MAML1: variants seen among roughly 807,000 people sequenced by gnomAD.
MAML1 encodes the protein mastermind-like protein 1.
Under a neutral mutation model 77.1 loss-of-function variants are expected in MAML1, and 14 were observed. The observed-to-expected ratio is 0.18, with a 90% CI of 0.12 to 0.28. The LOEUF is 0.28. Among genes scored for constraint, MAML1 ranks in the 10% least tolerant of loss-of-function variants. The probability of loss-of-function intolerance (pLI) is 1.00; values close to 1 mark genes in which losing one functional copy is unlikely to be tolerated. For missense variants in MAML1, 1,217 were observed against 1,327.8 expected (o/e 0.92, Z 1.30); for synonymous variants, 516 against 551.9 (o/e 0.93, Z 0.91).
rs750669024 is a variant in MAML1 at position 179,774,732 on chromosome 5, A to G, written c.2906A>G (p.Glu969Gly). The stretch of plus-strand genomic sequence containing the variant: ...TACCCTGTGCGGACCGCGGGCCAGG[A>G]GCTGCCTTTTGCCTATAGCGGGCAG... ...QAYPVRTAGQELPFAYSGQPG... is the reference protein window; with the variant it reads ...QAYPVRTAGQGLPFAYSGQPG... The change falls in exon 5 of 5, where the codon GAG becomes GGG. Residue 969 changes from glutamate (E) to glycine (G), a missense_variant. Glu to Gly is a moderately conservative substitution (Grantham distance 98). This residue lies in a region of MAML1 where 884 missense variants were observed against 949.3 expected (regional missense o/e 0.93). Transcript: ENST00000292599. 9.3e-6 allele frequency: 15 copies of G among 1,611,972 alleles called. No homozygotes were observed. Among genetic ancestry groups the G allele is most frequent in the Middle Eastern group, 1.6e-4 (1 of 6,084 alleles).
chr5:179,754,595 G>GA lies in MAML1; in HGVS notation c.316-10721dup, dbSNP rs201899850. On this transcript the variant is annotated intron_variant, in intron 1 of 4. Coordinates refer to ENST00000292599, the MANE Select transcript of MAML1 (RefSeq NM_014757.5). ...ATAGAGCAAGACCCTGTCTCAAAAAGAAAAAAAAAATGTGAAATTGAGCAT... is the reference window on the plus strand; with the variant it reads ...ATAGAGCAAGACCCTGTCTCAAAAAGAAAAAAAAAAATGTGAAATTGAGCAT... 1.3e-3 allele frequency among the ~76,000 whole-genome samples: 197 copies of GA among 147,460 alleles called. 1 individual carries two copies. Among genetic ancestry groups the GA allele is most frequent in the East Asian group, 8.7e-3 (44 of 5,038 alleles).
At chr5:179,773,076 G>A (rs1756039188) in intron 4 of MAML1, among the ~76,000 whole-genome samples, 2 of 152,152 alleles carry the variant, frequency 1.3e-5, no homozygotes, top group South Asian at 4.1e-4. Flanking sequence ...GTAGAGACAG[G>A]GTTTCACTAT....
At chr5:179,736,791 G>A (rs796484335) in intron 1 of MAML1, among the ~76,000 whole-genome samples, 4 of 151,562 alleles carry the variant, frequency 2.6e-5, no homozygotes, top group African/African-American at 4.8e-5. Flanking sequence ...GTGAAACCCC[G>A]TCTCTACTAA....
Position 179,733,423 on chromosome 5 carries a change from C to A in MAML1, c.311C>A (p.Ala104Asp). 9.1e-7 allele frequency: 1 copy of A among 1,102,140 alleles called. No homozygotes were observed. Among genetic ancestry groups the A allele is most frequent in the Non-Finnish European group, 1.1e-6 (1 of 908,154 alleles). The allele number at this position is 1,102,140 out of a possible 1,614,324, so 68.3% of individuals were successfully genotyped here. A position where few individuals can be genotyped will look rare whatever the true frequency, so the allele number is the denominator to read the frequency against. The part of the protein sequence containing the change: ...AADGPEHGRP[A>D]THLHDTVKRN... The stretch of plus-strand genomic sequence containing the variant: ...GACGGCCCCGAGCACGGCCGCCCGG[C>A]CACGGTGAGTAGGGCGCGGGAAGGC... The change falls in exon 1 of 5, where the codon GCC becomes GAC. Residue 104 changes from alanine to aspartate, a missense_variant. By Grantham distance (126) the Ala-to-Asp change is moderately radical. This residue lies in a region of MAML1 where 312 missense variants were observed against 331.4 expected (regional missense o/e 0.94). Transcript: ENST00000292599.
chr5:179,752,350 A>AAAAAATATAT (rs1554150144), intron 1 of MAML1, among the ~76,000 whole-genome samples: 22 of 66,720 alleles, frequency 3.3e-4, no homozygotes, highest in African/African-American at 4.7e-4. Flanking sequence ...AAAAAAAAAA[A>AAAAAATATAT]ATATATATAT....
chr5:179,752,021 G>A (rs1200128491), intron 1 of MAML1, among the ~76,000 whole-genome samples: 2 of 150,278 alleles, frequency 1.3e-5, no homozygotes, highest in African/African-American at 2.5e-5. Flanking sequence ...AAAAAATACT[G>A]ATTACATGTT....
rs1468599051 is a variant in MAML1 at position 179,768,979 on chromosome 5, A to G, written c.1861A>G (p.Met621Val). 8 of 1,614,112 alleles carry G rather than the reference A, an allele frequency of 5.0e-6. No homozygotes were observed. The highest frequency in any genetic ancestry group is 6.8e-6 in the Non-Finnish European group (8 of 1,180,048). ...YLSSQQQAAVMKQHQLLLDQQ... is the reference protein window; with the variant it reads ...YLSSQQQAAVVKQHQLLLDQQ... ...CAGCAGCCAGCAACAGGCCGCTGTA[A>G]TGAAGCAGCATCAGTTGCTTTTGGA... Residue 621 changes from methionine to valine, a missense_variant, in exon 3 of 5, where the codon ATG becomes GTG. Physicochemically the swap from Met to Val is conservative, Grantham distance 21. This residue lies in a region of MAML1 where 884 missense variants were observed against 949.3 expected (regional missense o/e 0.93). Coordinates refer to ENST00000292599, the MANE Select transcript of MAML1 (RefSeq NM_014757.5).
chr5:179,750,323 C>G (rs1362124385), intron 1 of MAML1, among the ~76,000 whole-genome samples: 3 of 152,140 alleles, frequency 2.0e-5, no homozygotes, highest in African/African-American at 7.2e-5. Context: ...CCCACCAACT[C>G]TCTCTTTGAG....
chr5:179,753,645 A>ATTTTT (rs1562560334), intron 1 of MAML1, among the ~76,000 whole-genome samples: 3 of 41,664 alleles, frequency 7.2e-5, no homozygotes, highest in Non-Finnish European at 1.4e-4. Flanking sequence ...TTGTTTTATT[A>ATTTTT]TTATTATTAT....
In MAML1 at chr5:179,769,156, G is replaced by A. The variant is rs970775881; in HGVS notation, c.1971+67G>A. 5.7e-6 allele frequency: 9 copies of A among 1,590,446 alleles called. 1 individual carries two copies. Among genetic ancestry groups the A allele is most frequent in the Middle Eastern group, 3.7e-4 (2 of 5,442 alleles). The stretch of plus-strand genomic sequence containing the variant: ...GCCTGCACCCTGCGTCACTGCTACA[G>A]TCACACCTTCTGCTTGTGCGTGTGG... On this transcript the variant is annotated intron_variant, in intron 3 of 4. Transcript: ENST00000292599. This position sits in a 1 kb window ranked among gnomAD's most constrained non-coding sequence, Gnocchi z 4.2.
At chr5:179,746,758 C>A (rs972127311) in intron 1 of MAML1, among the ~76,000 whole-genome samples, 2 of 152,182 alleles carry the variant, frequency 1.3e-5, no homozygotes, top group Non-Finnish European at 2.9e-5. Flanking sequence ...TATCAGTTGA[C>A]AACTTGGTTA....
intron 1 of MAML1, among the ~76,000 whole-genome samples, chr5:179,742,459 A>G (rs1779301306): frequency 6.6e-6 from 1 of 152,016 alleles, no homozygotes. Flanking sequence ...ACTGCACTCC[A>G]GCCCAGGCGA....
chr5:179,754,842 CA>C lies in MAML1; in HGVS notation c.316-10481del, dbSNP rs561339382. Among the ~76,000 whole-genome samples, 19 of 152,176 alleles carry C rather than the reference CA, an allele frequency of 1.2e-4. No individual in the cohort carries two copies. The East Asian group carries it at 3.5e-3, about 28-fold the overall frequency. ...AGAGAACCACTGCTCTAGAACAAAACAAATTCAAGTTATTTTTGAGATGAAG... is the reference window on the plus strand; with the variant it reads ...AGAGAACCACTGCTCTAGAACAAAACAATTCAAGTTATTTTTGAGATGAAG... On this transcript the variant is annotated intron_variant, in intron 1 of 4. Coordinates refer to ENST00000292599, the MANE Select transcript of MAML1 (RefSeq NM_014757.5).
intron 1 of MAML1, among the ~76,000 whole-genome samples, chr5:179,756,673 G>A (rs561025435): frequency 1.3e-5 from 2 of 152,200 alleles, no homozygotes; most frequent in South Asian, 4.2e-4. Flanking sequence ...GCGGTCACAC[G>A]GATAACATCA....
chr5:179,774,576 C>T lies in MAML1; in HGVS notation c.2750C>T (p.Pro917Leu). ...SAQQRTSAPAPAPPPTAPQQG... is the reference protein window; with the variant it reads ...SAQQRTSAPALAPPPTAPQQG... ...CAGCAGAGGACCAGCGCCCCTGCCC[C>T]AGCACCACCCCCAACAGCCCCTCAG... Residue 917 changes from proline (P) to leucine (L), a missense_variant, in exon 5 of 5, where the codon CCA (proline) becomes CTA (leucine). Physicochemically the swap from Pro to Leu is moderately conservative, Grantham distance 98 (BLOSUM62 -3). Around this residue, in one of 3 missense-constraint regions of MAML1, gnomAD observed 884 missense variants for 949.3 expected, o/e 0.93. Transcript: ENST00000292599. 1 of 1,612,628 alleles carries T rather than the reference C, an allele frequency of 6.2e-7. No homozygotes were observed. Among genetic ancestry groups the T allele is most frequent in the Non-Finnish European group, 8.5e-7 (1 of 1,179,856 alleles).
Position 179,776,840 on chromosome 5 carries a change from C to G in MAML1, c.*1963C>G. ...TGATTCTTGGGGTCCCCCCAGGGAGCTGCCCATGGCTTTATTTATGAACCT... is the reference window on the plus strand; with the variant it reads ...TGATTCTTGGGGTCCCCCCAGGGAGGTGCCCATGGCTTTATTTATGAACCT... On this transcript the variant is annotated 3_prime_UTR_variant, in exon 5 of 5. Transcript: ENST00000292599. The G allele has an allele frequency of 2.0e-6, 2 of 985,938 alleles. No individual in the cohort carries two copies. The highest frequency in any genetic ancestry group is 3.5e-5 in the African/African-American group (2 of 57,384). 61.1% of individuals were successfully genotyped at this position (985,938 alleles called of 1,614,324 possible).
chr5:179,772,586 G>C (rs1756026854), intron 4 of MAML1, among the ~76,000 whole-genome samples: 1 of 152,176 alleles, frequency 6.6e-6, no homozygotes, highest in African/African-American at 2.4e-5. Flanking sequence ...CCTGAGCATA[G>C]GGGTGCTTTC....
chr5:179,758,400 T>TTTC (rs1182361516), intron 1 of MAML1, among the ~76,000 whole-genome samples: 2 of 144,914 alleles, frequency 1.4e-5, no homozygotes, highest in Non-Finnish European at 1.5e-5. Context: ...TTTCTTTTCT[T>TTTC]TTTTTTTTTT....
chr5:179,735,189 A>C (rs1164884120), intron 1 of MAML1, among the ~76,000 whole-genome samples: 1 of 152,080 alleles, frequency 6.6e-6, no homozygotes, highest in Non-Finnish European at 1.5e-5. Context: ...ATAAATAAAT[A>C]AATAAAATAC....
Sources: gnomAD v4.1 joint callset for allele counts (sites outside exome capture counted in the v4.1 genomes callset) on GRCh38, gnomAD v4.1.1 for gene constraint, gnomAD v4.1.1 regional missense constraint, Gnocchi (gnomAD v3.1) non-coding constraint, MANE v1.5 for transcripts, NCBI Gene and HGNC (gene_info 2026-07-23, HGNC 2026-07-21) for gene names.